TRMT44: variants seen among roughly 807,000 people sequenced by gnomAD.
TRMT44 encodes tRNA methyltransferase 44 homolog, also known as probable tRNA (uracil-O(2)-)-methyltransferase.
TRMT44 carries 78 observed loss-of-function variants against 77.3 expected under a neutral mutation model. The observed-to-expected ratio is 1.01, with a 90% CI of 0.84 to 1.22. The LOEUF (loss-of-function observed/expected upper bound fraction) is 1.22. TRMT44 is among the 50% of genes most tolerant of loss of function. The pLI is 0.00. For synonymous variants in TRMT44, 391 were observed against 383.3 expected (o/e 1.02, Z -0.23); for missense variants, 1,090 against 964.4 (o/e 1.13, Z -1.73).
At chr4:8,484,858 A>G (rs1433441671) in intron 2 of TRMT44, among the ~76,000 whole-genome samples, 1 of 152,128 alleles carries the variant, frequency 6.6e-6, no homozygotes, top group African/African-American at 2.4e-5. Context: ...GGGGTTTGAG[A>G]GATTAGTTGG....
At chr4:8,465,738 T>C (rs1351030692) in intron 8 of TRMT44, among the ~76,000 whole-genome samples, 177 bp downstream of exon 8, 1 of 152,164 alleles carries the variant, frequency 6.6e-6, no homozygotes, top group South Asian at 2.1e-4. Flanking sequence ...TGTCCCATGG[T>C]GCCCTCCTTA....
chr4:8,516,222 A>T, the TRMT44 span, among the ~76,000 whole-genome samples: 1 of 152,154 alleles, frequency 6.6e-6, no homozygotes, highest in Non-Finnish European at 1.5e-5. Context: ...AGAGTCACGC[A>T]GGCCCGGCCA....
intron 2 of TRMT44, among the ~76,000 whole-genome samples, chr4:8,487,956 C>T (rs1368578557): frequency 6.6e-6 from 1 of 152,060 alleles, no homozygotes; most frequent in African/African-American, 2.4e-5. Flanking sequence ...AGTTTTGGAT[C>T]CACGGATAAA....
chr4:8,476,070 AGTGCT>A lies in TRMT44; in HGVS notation c.*73_*77del. On this transcript the variant is annotated 3_prime_UTR_variant, in exon 11 of 11. Coordinates refer to ENST00000389737, the MANE Select transcript of TRMT44 (RefSeq NM_152544.3). ...AAGGAGAGCTTCCCCAGCAGTCGTC[AGTGCT>A]GTGGTCTCTGCTCTGGCTGTGTTTC... 1 of 1,445,654 alleles carries A rather than the reference AGTGCT, an allele frequency of 6.9e-7. No individual in the cohort carries two copies. The highest frequency in any genetic ancestry group is 9.6e-7 in the Non-Finnish European group (1 of 1,045,774). 89.6% of individuals were successfully genotyped at this position (1,445,654 alleles called of 1,614,324 possible).
At chr4:8,512,823 T>C in the TRMT44 span, among the ~76,000 whole-genome samples, 2 of 152,244 alleles carry the variant, frequency 1.3e-5, no homozygotes, top group Admixed American at 6.5e-5. Flanking sequence ...AAAATATGTC[T>C]GTTATTACTG....
chr4:8,510,359 T>C, the TRMT44 span: 1 of 152,774 alleles, frequency 6.5e-6, no homozygotes, highest in East Asian at 1.9e-4. Context: ...ATGTCCCCCT[T>C]CGATGGAGCT....
intron 2 of TRMT44, among the ~76,000 whole-genome samples, chr4:8,488,683 G>A (rs963272617): frequency 4.6e-5 from 7 of 152,218 alleles, no homozygotes; most frequent in Non-Finnish European, 1.0e-4. Context: ...GGATGCGATG[G>A]CTTGGCTTGG....
the TRMT44 span, among the ~76,000 whole-genome samples, chr4:8,504,354 C>A: frequency 6.6e-6 from 1 of 152,090 alleles, no homozygotes; most frequent in East Asian, 1.9e-4. This position sits in a 1 kb window ranked among gnomAD's most constrained non-coding sequence, Gnocchi z 5.3. Flanking sequence ...GCCAGGTACC[C>A]GCGCCAGCTT....
chr4:8,454,496 T>A lies in TRMT44; in HGVS notation c.1132-246T>A, dbSNP rs927299367. On this transcript the variant is annotated intron_variant, in intron 5 of 10. Coordinates refer to ENST00000389737, the MANE Select transcript of TRMT44 (RefSeq NM_152544.3). ...TACAGCAGCAAGAAAATCAGCTTGGTACCACCAGACTGGGCTGCAGGTTCC... is the reference window on the plus strand; with the variant it reads ...TACAGCAGCAAGAAAATCAGCTTGGAACCACCAGACTGGGCTGCAGGTTCC... 4 of 576,814 alleles carry A rather than the reference T, an allele frequency of 6.9e-6. No homozygotes were observed. In the African/African-American group the frequency reaches 7.5e-5, roughly 11 times the overall value. The allele number at this position is 576,814 out of a possible 1,614,324, so 35.7% of individuals were successfully genotyped here.
At position 8,452,926 on chromosome 4, in the gene TRMT44, G is replaced by T. The variant is rs1453915319; in HGVS notation, c.1068G>T (p.Arg356Ser). ...GGGCTGAGAGGAGACTAACTGCCAGGCAGTCCTTTGTGGACCTGGGATGTG... is the reference window on the plus strand; with the variant it reads ...GGGCTGAGAGGAGACTAACTGCCAGTCAGTCCTTTGTGGACCTGGGATGTG... ...EERAERRLTA[R>S]QSFVDLGCGN... is the part of the protein sequence containing the mutation. The change falls in exon 5 of 11, where the codon AGG becomes AGT. Residue 356 changes from arginine (R) to serine (S), a missense_variant. Transcript: ENST00000389737. This position sits in a 1 kb window ranked among gnomAD's most constrained non-coding sequence, Gnocchi z 5.7. The T allele has an allele frequency of 6.5e-7, 1 of 1,533,396 alleles. No individual in the cohort carries two copies. Among genetic ancestry groups the T allele is most frequent in the Non-Finnish European group, 8.7e-7 (1 of 1,145,702 alleles). The allele number at this position is 1,533,396 out of a possible 1,614,324, so 95.0% of individuals were successfully genotyped here.
chr4:8,491,071 T>C (rs898862415), intron 2 of TRMT44, among the ~76,000 whole-genome samples: 3 of 151,050 alleles, frequency 2.0e-5, no homozygotes, highest in Admixed American at 2.0e-4. Context: ...AGAGTGCCGA[T>C]TGGTGTATTT....
At chr4:8,442,567 G>A (rs1382666472) in intron 1 of TRMT44, among the ~76,000 whole-genome samples, 3 of 152,200 alleles carry the variant, frequency 2.0e-5, no homozygotes, top group South Asian at 2.1e-4. Flanking sequence ...TGGTTTCTCC[G>A]CTGTGGGTCT....
intron 9 of TRMT44, chr4:8,468,599 ATGCAGG>A: frequency 1.7e-6 from 1 of 595,500 alleles, no homozygotes; most frequent in African/African-American, 1.9e-5. Context: ...TTTACCAAAC[ATGCAGG>A]TTTAGGGGCT....
intron 6 of TRMT44, 54 bp from the exon 7 acceptor site, chr4:8,463,931 A>G (rs1195182914): frequency 2.0e-6 from 3 of 1,487,052 alleles, no homozygotes; most frequent in Admixed American, 1.7e-5. Flanking sequence ...CTGCCCACGC[A>G]GTAGCTCTAC....
chr4:8,496,715 G>C (rs1728160842), downstream of TRMT44, among the ~76,000 whole-genome samples: 1 of 152,146 alleles, frequency 6.6e-6, no homozygotes, highest in African/African-American at 2.4e-5. Context: ...CTCAGAGAGA[G>C]AGGACTGAGC....
chr4:8,489,192 G>A (rs1234119304), intron 2 of TRMT44, among the ~76,000 whole-genome samples: 1 of 152,232 alleles, frequency 6.6e-6, no homozygotes, highest in Non-Finnish European at 1.5e-5. Context: ...TGAAGGCCCT[G>A]GGGCTGTCAT....
At chr4:8,466,787 C>G (rs1039825399) in intron 8 of TRMT44, among the ~76,000 whole-genome samples, 10 of 152,198 alleles carry the variant, frequency 6.6e-5, no homozygotes, top group Non-Finnish European at 1.3e-4. Flanking sequence ...TTATCACTGG[C>G]AGGTTTGGGG....
chr4:8,449,949 C>CTTTTTCTTTTTTT (rs1725325774), intron 3 of TRMT44, 61 bp downstream of exon 3: 1 of 220,670 alleles, frequency 4.5e-6, no homozygotes. Flanking sequence ...CTTTTCTTTT[C>CTTTTTCTTTTTTT]TTTTTTTTTT....
the TRMT44 span, among the ~76,000 whole-genome samples, chr4:8,516,663 C>A: frequency 6.6e-6 from 1 of 152,176 alleles, no homozygotes; most frequent in East Asian, 1.9e-4. Context: ...TGCCTGTGGA[C>A]CCAGCTACTC....
Sources: gnomAD v4.1 joint callset for allele counts (sites outside exome capture counted in the v4.1 genomes callset) on GRCh38, gnomAD v4.1.1 for gene constraint, Gnocchi (gnomAD v3.1) non-coding constraint, MANE v1.5 for transcripts, NCBI Gene and HGNC (gene_info 2026-07-23, HGNC 2026-07-21) for gene names.